The following ANKUB1 variants were observed in gnomAD, a reference collection of about 807,000 sequenced individuals.
ANKUB1 encodes protein ANKUB1.
A neutral mutation model predicts 49.3 loss-of-function variants in ANKUB1; 42 were observed. That is an observed-to-expected ratio of 0.85 (90% CI 0.67 to 1.10). The LOEUF (loss-of-function observed/expected upper bound fraction) is 1.10. ANKUB1 is among the 50% of genes least tolerant of loss of function. The pLI is 0.00. For missense variants in ANKUB1, 613 were observed against 642.0 expected (o/e 0.95, Z 0.49); for synonymous variants, 222 against 231.0 (o/e 0.96, Z 0.35).
intron 3 of ANKUB1, chr3:149,779,197 G>A (rs1234068403): frequency 2.0e-5 from 3 of 147,184 alleles, no homozygotes; most frequent in Non-Finnish European, 3.0e-5. Context: ...TTTTTTTCGA[G>A]ACAGGGTCTT....
chr3:149,792,129 G>T, intron 1 of ANKUB1, 148 bp downstream of exon 1: 2 of 460,628 alleles, frequency 4.3e-6, no homozygotes. Flanking sequence ...AATCTATTGT[G>T]TAAGCAAATA....
At chr3:149,770,757 C>T in intron 3 of ANKUB1, 83 bp from the exon 4 acceptor site, 1 of 790,958 alleles carries the variant, frequency 1.3e-6, no homozygotes, top group East Asian at 2.9e-5. Flanking sequence ...GTAGCTTTCC[C>T]CAAACAGAGG....
At chr3:149,765,023 A>T (rs1034789638) in intron 5 of ANKUB1, among the ~76,000 whole-genome samples, 4 of 152,234 alleles carry the variant, frequency 2.6e-5, no homozygotes, top group Admixed American at 2.6e-4. Context: ...AAGAACAATC[A>T]TGCATTTTTA....
At chr3:149,782,271 T>G (rs1717905517) in intron 2 of ANKUB1, among the ~76,000 whole-genome samples, 1 of 152,118 alleles carries the variant, frequency 6.6e-6, no homozygotes, top group Non-Finnish European at 1.5e-5. Flanking sequence ...AAAAAAAATT[T>G]TTTTTTAGAG....
intron 2 of ANKUB1, among the ~76,000 whole-genome samples, chr3:149,790,343 G>T (rs1443949318): frequency 6.6e-6 from 1 of 152,062 alleles, no homozygotes; most frequent in Non-Finnish European, 1.5e-5. Context: ...TGGCTACTTT[G>T]GCTGGATTTG....
intron 5 of ANKUB1, among the ~76,000 whole-genome samples, chr3:149,765,971 G>C (rs1270625020): frequency 1.3e-5 from 2 of 152,310 alleles, no homozygotes; most frequent in Admixed American, 6.5e-5. Context: ...ATAAAGTTGA[G>C]CTGAGCTAAA....
chr3:149,776,559 C>T (rs114372469), intron 3 of ANKUB1, among the ~76,000 whole-genome samples: 186 of 152,304 alleles, frequency 1.2e-3, no homozygotes, highest in African/African-American at 4.2e-3. Flanking sequence ...AAAAAAAGTA[C>T]TCTCTGAGTT....
Position 149,767,418 on chromosome 3 carries a change from G to C in ANKUB1, c.1244C>G (p.Ser415Ter). 1 of 1,551,712 alleles carries C rather than the reference G, an allele frequency of 6.4e-7. No homozygotes were observed. Among genetic ancestry groups the C allele is most frequent in the Non-Finnish European group, 8.7e-7 (1 of 1,146,984 alleles). Residue 415 changes from serine (S) to a stop codon, truncating the protein, a stop_gained, in exon 5 of 6, where the codon TCA becomes TGA. Coordinates refer to ENST00000446160, the MANE Select transcript of ANKUB1 (RefSeq NM_001144960.3). LOFTEE classifies it high-confidence loss of function. ...TTGATGTTTTTGTAATTCAGAGAAT[G>C]AACTTGCATTCACCAGTGGATGAAA... ...LKFHPLVNAS[S>*]FSELQKHQQQ... is the part of the protein sequence containing the mutation.
intron 2 of ANKUB1, among the ~76,000 whole-genome samples, chr3:149,790,038 T>A (rs952396964): frequency 1.1e-4 from 16 of 152,210 alleles, no homozygotes; most frequent in African/African-American, 3.9e-4. Flanking sequence ...GAATGTATAC[T>A]TTCCTAAGTT....
chr3:149,790,945 T>A (rs1203175932), intron 1 of ANKUB1, 21 bp from the exon 2 acceptor site: 4 of 1,548,440 alleles, frequency 2.6e-6, no homozygotes, highest in Non-Finnish European at 3.5e-6. Flanking sequence ...AATAGCATAT[T>A]ATGAAAACAG....
intron 2 of ANKUB1, among the ~76,000 whole-genome samples, chr3:149,790,512 T>C (rs1166041315): frequency 2.0e-5 from 3 of 152,138 alleles, no homozygotes; most frequent in Non-Finnish European, 4.4e-5. Context: ...TTCATATCGG[T>C]TCTGAGATGA....
chr3:149,767,557 C>T lies in ANKUB1; in HGVS notation c.1105G>A (p.Asp369Asn), dbSNP rs567679073. The change falls in exon 5 of 6, where the codon GAC becomes AAC. Residue 369 changes from aspartate (D) to asparagine (N), a missense_variant. Coordinates refer to ENST00000446160, the MANE Select transcript of ANKUB1 (RefSeq NM_001144960.3). Reference sequence around the variant, plus strand: ...AGCTTGAGCACGATGCTTTGTGAGTCGCTGTTCCCAGCCTTATGCCAGCTC... The same window carrying T: ...AGCTTGAGCACGATGCTTTGTGAGTTGCTGTTCCCAGCCTTATGCCAGCTC... ...SKSWHKAGNS[D>N]SQSIVLKLPS... is the part of the protein sequence containing the mutation. 2.1e-5 allele frequency: 33 copies of T among 1,551,576 alleles called. No individual in the cohort carries two copies. Among genetic ancestry groups the T allele is most frequent in the African/African-American group, 5.5e-5 (4 of 73,100 alleles).
chr3:149,791,196 G>A (rs965902985), intron 1 of ANKUB1, among the ~76,000 whole-genome samples: 1 of 152,136 alleles, frequency 6.6e-6, no homozygotes, highest in Non-Finnish European at 1.5e-5. Context: ...AATTAAAGTA[G>A]GAGTAGTCGC....
chr3:149,775,660 A>C (rs145835711), intron 3 of ANKUB1, among the ~76,000 whole-genome samples: 110 of 152,248 alleles, frequency 7.2e-4, no homozygotes, highest in African/African-American at 2.5e-3. Flanking sequence ...GAAGAGTACC[A>C]ATTGGTATCA....
intron 2 of ANKUB1, 116 bp downstream of exon 2, chr3:149,790,665 G>T: frequency 9.5e-7 from 1 of 1,047,598 alleles, no homozygotes; most frequent in Non-Finnish European, 1.4e-6. Context: ...GAAGTGAGGA[G>T]AAGGCAAAAA....
In ANKUB1 at chr3:149,780,382, GA is replaced by G; in HGVS notation, c.307del (p.Ser103ProfsTer10). The G allele has an allele frequency of 6.4e-7, 1 of 1,552,162 alleles. No individual in the cohort carries two copies. The part of the protein sequence containing the change: ...QDTMPVMESI[S>X]LLDKTVSDLR... ...ATCAGACACTGTTTTATCAAGAAGG[GA>G]AATGCTCTCCATTACTGGCATTGTG... On this transcript the variant is annotated frameshift_variant, in exon 3 of 6. Coordinates refer to ENST00000446160, the MANE Select transcript of ANKUB1 (RefSeq NM_001144960.3). LOFTEE classifies it high-confidence loss of function.
rs575141357 is a variant in ANKUB1 at position 149,769,755 on chromosome 3, A to G, written c.566+805T>C. On this transcript the variant is annotated intron_variant, in intron 4 of 5. Coordinates refer to ENST00000446160, the MANE Select transcript of ANKUB1 (RefSeq NM_001144960.3). ...GAAGTTTGGTTTCTACTGAATTAAT[A>G]TCACTTTTACACCATTGTAAGTTGA... Among the ~76,000 whole-genome samples, 16 of 152,384 alleles carry G rather than the reference A, an allele frequency of 1.0e-4. No homozygotes were observed. The East Asian group carries it at 3.1e-3, about 29-fold the overall frequency.
At position 149,761,230 on chromosome 3, in the gene ANKUB1, A is replaced by G. The variant is rs1716770969; in HGVS notation, c.*254T>C. 3.3e-6 allele frequency: 1 copy of G among 306,266 alleles called. No homozygotes were observed. The highest frequency in any genetic ancestry group is 6.0e-6 in the Non-Finnish European group (1 of 167,752). The allele number at this position is 306,266 out of a possible 1,614,324, so 19.0% of individuals were successfully genotyped here. A position where few individuals can be genotyped will look rare whatever the true frequency, so the allele number is the denominator to read the frequency against. On this transcript the variant is annotated 3_prime_UTR_variant, in exon 6 of 6. Coordinates refer to ENST00000446160, the MANE Select transcript of ANKUB1 (RefSeq NM_001144960.3). ...TGTTTTCCATTGTCTCAGCTCCCCTACCCTGTGGACAACTACTATTCTAAG... is the reference window on the plus strand; with the variant it reads ...TGTTTTCCATTGTCTCAGCTCCCCTGCCCTGTGGACAACTACTATTCTAAG...
chr3:149,768,929 A>G (rs897637562), intron 4 of ANKUB1, among the ~76,000 whole-genome samples: 1 of 152,214 alleles, frequency 6.6e-6, no homozygotes, highest in African/African-American at 2.4e-5. Context: ...TTACAAGCAT[A>G]AAATGAGGTA....
Sources: allele counts gnomAD v4.1 joint callset (sites outside exome capture counted in the v4.1 genomes callset), GRCh38; gene constraint gnomAD v4.1.1; transcripts MANE v1.5; gene names NCBI Gene and HGNC (gene_info 2026-07-23, HGNC 2026-07-21).